Variants in HMMR observed in about 807,000 individuals in gnomAD.
The protein encoded by HMMR is hyaluronan mediated motility receptor.
Under a neutral mutation model 101.0 loss-of-function variants are expected in HMMR, and 108 were observed. The observed-to-expected ratio is 1.07, with a 90% CI of 0.92 to 1.25. HMMR has a LOEUF of 1.25. Among genes scored for constraint, HMMR ranks in the 50% most tolerant of loss-of-function variants. The pLI is 0.00. For missense variants in HMMR, 813 were observed against 788.7 expected, an observed-to-expected ratio of 1.03 and a Z score of -0.37; for synonymous variants, 296 against 276.4, an observed-to-expected ratio of 1.07 and a Z score of -0.70.
chr5:163,474,286 T>C, intron 10 of HMMR, 81 bp downstream of exon 10: 1 of 1,042,026 alleles, frequency 9.6e-7, no homozygotes, highest in Non-Finnish European at 1.4e-6. Flanking sequence ...TTAAATTGTG[T>C]ATATCCTTTG....
intron 1 of HMMR, among the ~76,000 whole-genome samples, chr5:163,463,425 T>C (rs1374433342): frequency 6.6e-6 from 1 of 152,230 alleles, no homozygotes; most frequent in Admixed American, 6.5e-5. Flanking sequence ...CAGAGATGGA[T>C]TATCACTATA....
intron 11 of HMMR, among the ~76,000 whole-genome samples, chr5:163,478,038 C>A (rs949998482): frequency 6.6e-6 from 1 of 152,010 alleles, no homozygotes; most frequent in Admixed American, 6.5e-5. Flanking sequence ...TCTGTATATT[C>A]TTTAAAAGAT....
At chr5:163,476,757 C>T (rs539950676) in intron 11 of HMMR, among the ~76,000 whole-genome samples, 4 of 152,276 alleles carry the variant, frequency 2.6e-5, no homozygotes, top group Non-Finnish European at 5.9e-5. Flanking sequence ...TGGCTGGGTG[C>T]GGTGGCTCAC....
At chr5:163,480,962 G>A (rs1312000748) in intron 12 of HMMR, among the ~76,000 whole-genome samples, 2 of 151,814 alleles carry the variant, frequency 1.3e-5, no homozygotes, top group Non-Finnish European at 2.9e-5. Flanking sequence ...TCTGTATGTG[G>A]GTACTTTTGC....
At chr5:163,469,279 G>A (rs921462123) in intron 4 of HMMR, among the ~76,000 whole-genome samples, 6 of 151,288 alleles carry the variant, frequency 4.0e-5, no homozygotes, top group Non-Finnish European at 2.9e-5. Flanking sequence ...CAGGAGAATC[G>A]CTTGAACCCA....
chr5:163,482,671 A>G lies in HMMR; in HGVS notation c.1415A>G (p.Glu472Gly), dbSNP rs1157814925. ...AAAGCGTTAACAGCCAGTGAGATAG[A>G]AGATCTTAAGCTGGAGAACTCATCA... ...SYKALTASEI[E>G]DLKLENSSLQ... The change falls in exon 13 of 18, where the codon GAA (glutamate) becomes GGA (glycine). Residue 472 changes from glutamate to glycine, a missense_variant. Coordinates refer to ENST00000393915, the MANE Select transcript of HMMR (RefSeq NM_001142556.2). 1.2e-6 allele frequency: 2 copies of G among 1,612,520 alleles called. No individual in the cohort carries two copies. The highest frequency in any genetic ancestry group is 1.1e-5 in the South Asian group (1 of 91,020).
At chr5:163,483,203 T>TTAAA (rs1394671358) in intron 14 of HMMR, 31 bp downstream of exon 14, 1 of 1,599,276 alleles carries the variant, frequency 6.3e-7, no homozygotes, top group Non-Finnish European at 8.5e-7. Context: ...GAGTGCCTTG[T>TTAAA]TAACTCAGTT....
chr5:163,486,951 C>T lies in HMMR; in HGVS notation c.1962+2706C>T, dbSNP rs183470008. Reference sequence around the variant, plus strand: ...AAAGTTAGCTAGGTGTGGCGGCGGGCGCCTGTAATCCCAGCTACTTGGGTA... The same window carrying T: ...AAAGTTAGCTAGGTGTGGCGGCGGGTGCCTGTAATCCCAGCTACTTGGGTA... On this transcript the variant is annotated intron_variant, in intron 16 of 17. Coordinates refer to ENST00000393915, the MANE Select transcript of HMMR (RefSeq NM_001142556.2). Among the ~76,000 whole-genome samples the T allele has an allele frequency of 6.0e-3, 919 of 152,200 alleles. 7 individuals are homozygous for T. Among genetic ancestry groups the T allele is most frequent in the African/African-American group, 0.021 (865 of 41,530 alleles).
At chr5:163,467,291 T>C (rs373730626) in intron 3 of HMMR, among the ~76,000 whole-genome samples, 12 of 152,384 alleles carry the variant, frequency 7.9e-5, no homozygotes, top group Non-Finnish European at 1.6e-4. Context: ...CAGTTTTTAT[T>C]TCTTTGCATC....
intron 15 of HMMR, among the ~76,000 whole-genome samples, 170 bp downstream of exon 15, chr5:163,483,537 AT>A (rs1759356700): frequency 6.6e-6 from 1 of 152,110 alleles, no homozygotes; most frequent in South Asian, 2.1e-4. Context: ...ATTATGCATA[AT>A]TTTTTCCCAC....
chr5:163,482,304 C>T (rs1190313909), intron 12 of HMMR, among the ~76,000 whole-genome samples: 1 of 152,206 alleles, frequency 6.6e-6, no homozygotes, highest in African/African-American at 2.4e-5. Context: ...CCAGCTTCTG[C>T]TCCAGCCTTT....
rs1436391549 is a variant in HMMR, at chr5:163,484,077, A to G, written c.1794A>G (p.Leu598=). ...YNKTKPFQLQ[L]DAFEVEKQAL... is the part of the protein sequence containing the mutation. Reference sequence around the variant, plus strand: ...TAAAAAATCTTTTTCAGCTACAACTAGATGCTTTTGAAGTAGAAAAACAGG... The same window carrying G: ...TAAAAAATCTTTTTCAGCTACAACTGGATGCTTTTGAAGTAGAAAAACAGG... The change falls in exon 16 of 18, where the codon CTA becomes CTG. Residue 598 remains leucine (L), a synonymous_variant. Transcript: ENST00000393915. 5 of 1,585,666 alleles carry G rather than the reference A, an allele frequency of 3.2e-6. No homozygotes were observed. Among genetic ancestry groups the G allele is most frequent in the Non-Finnish European group, 2.6e-6 (3 of 1,165,070 alleles).
intron 12 of HMMR, among the ~76,000 whole-genome samples, chr5:163,482,334 T>C (rs1759297850): frequency 6.6e-6 from 1 of 152,192 alleles, no homozygotes; most frequent in Non-Finnish European, 1.5e-5. Flanking sequence ...TAGGCTCTAG[T>C]CTCACTTCTT....
In HMMR at chr5:163,475,688, A is replaced by C; in HGVS notation, c.1268+16A>C. On this transcript the variant is annotated intron_variant, in intron 11 of 17. Transcript: ENST00000393915. ...AGCTGAAAGGGTTTGTATTAATAGGATCTCATGTTTATGTATGACTTCAGA... is the reference window on the plus strand; with the variant it reads ...AGCTGAAAGGGTTTGTATTAATAGGCTCTCATGTTTATGTATGACTTCAGA... The C allele has an allele frequency of 7.1e-7, 1 of 1,408,594 alleles. No individual in the cohort carries two copies. Among genetic ancestry groups the C allele is most frequent in the Non-Finnish European group, 9.9e-7 (1 of 1,010,196 alleles). The allele number at this position is 1,408,594 out of a possible 1,614,324, so 87.3% of individuals were successfully genotyped here.
intron 1 of HMMR, among the ~76,000 whole-genome samples, chr5:163,462,770 G>A (rs547214357): frequency 7.2e-6 from 1 of 139,280 alleles, no homozygotes; most frequent in African/African-American, 2.7e-5. Context: ...AAAGGTTTCA[G>A]TGAGCCAAGA....
chr5:163,482,602 A>T, intron 12 of HMMR, 40 bp from the exon 13 acceptor site: 1 of 1,438,872 alleles, frequency 6.9e-7, no homozygotes, highest in Non-Finnish European at 9.7e-7. Context: ...CATACGCAAT[A>T]GTTAGAAAAC....
At chr5:163,487,035 G>T (rs1021047004) in intron 16 of HMMR, among the ~76,000 whole-genome samples, 1 of 152,202 alleles carries the variant, frequency 6.6e-6, no homozygotes, top group Non-Finnish European at 1.5e-5. Context: ...GAGCCATTGA[G>T]CCTGGGAGAC....
chr5:163,490,714 C>T lies in HMMR; in HGVS notation c.2125+162C>T, dbSNP rs1263418982. 2.6e-5 allele frequency among the ~76,000 whole-genome samples: 4 copies of T among 152,204 alleles called. No individual in the cohort carries two copies. In the East Asian group the frequency reaches 7.7e-4, roughly 29 times the overall value. ...GTGTACAATGACTGTTTTCTTCCTCCTTCTACGCTTTCTTTTCTGTATACC... is the reference window on the plus strand; with the variant it reads ...GTGTACAATGACTGTTTTCTTCCTCTTTCTACGCTTTCTTTTCTGTATACC... On this transcript the variant is annotated intron_variant, in intron 17 of 17. Transcript: ENST00000393915.
intron 11 of HMMR, among the ~76,000 whole-genome samples, chr5:163,476,891 C>T (rs1330256951): frequency 1.3e-5 from 2 of 152,088 alleles, no homozygotes; most frequent in South Asian, 2.1e-4. Context: ...ATTAGCCTGG[C>T]ATCGTGGCGC....
Sources: gnomAD v4.1 joint callset for allele counts (sites outside exome capture counted in the v4.1 genomes callset) on GRCh38, gnomAD v4.1.1 for gene constraint, MANE v1.5 for transcripts, NCBI Gene and HGNC (gene_info 2026-07-23, HGNC 2026-07-21) for gene names.